Variants in SLC14A2 observed in about 807,000 individuals in gnomAD.
SLC14A2 encodes the protein solute carrier family 14 member 2.
In SLC14A2, 91 loss-of-function variants were observed where a neutral mutation model predicts 104.6. The observed-to-expected ratio is 0.87, with a 90% CI of 0.73 to 1.04. SLC14A2 has a LOEUF of 1.04. SLC14A2 is among the 50% of genes least tolerant of loss of function. The pLI is 0.00. For missense variants in SLC14A2, 1,189 were observed against 1,156.0 expected (o/e 1.03, Z -0.41); for synonymous variants, 476 against 466.4 (o/e 1.02, Z -0.27).
chr18:45,450,554 C>T (rs1201990041), intron 1 of SLC14A2, among the ~76,000 whole-genome samples: 3 of 152,148 alleles, frequency 2.0e-5, no homozygotes, highest in African/African-American at 4.8e-5. Context: ...GTGAACAGAA[C>T]CAGATGAACT....
intron 1 of SLC14A2, among the ~76,000 whole-genome samples, chr18:45,481,686 A>G (rs1355970046): frequency 6.6e-6 from 1 of 152,244 alleles, no homozygotes; most frequent in Non-Finnish European, 1.5e-5. Context: ...ACTGAAAAAA[A>G]ACAGGATTTT....
At chr18:45,526,641 G>A (rs111860697) in intron 2 of SLC14A2, among the ~76,000 whole-genome samples, 9 of 152,230 alleles carry the variant, frequency 5.9e-5, no homozygotes, top group African/African-American at 1.9e-4. Flanking sequence ...ATCATAGGGT[G>A]TATAATATTA....
At chr18:45,611,808 A>T (rs979331537), upstream of SLC14A2, among the ~76,000 whole-genome samples, 3 of 152,234 alleles carry the variant, frequency 2.0e-5, no homozygotes, top group East Asian at 5.8e-4. Flanking sequence ...CTGCAAAACA[A>T]GAAGAAGAGC....
the SLC14A2 span, among the ~76,000 whole-genome samples, chr18:45,203,548 A>G: frequency 6.6e-6 from 1 of 152,212 alleles, no homozygotes; most frequent in Non-Finnish European, 1.5e-5. Context: ...GTGTGTATGT[A>G]CATCATCATT....
chr18:45,261,186 C>G (rs1217428041), intron 1 of SLC14A2, among the ~76,000 whole-genome samples: 1 of 151,484 alleles, frequency 6.6e-6, no homozygotes, highest in Non-Finnish European at 1.5e-5. Context: ...ACAACAGGCC[C>G]CGGTGTGTGA....
At chr18:45,341,254 A>C (rs2085390628) in intron 1 of SLC14A2, among the ~76,000 whole-genome samples, 2 of 152,020 alleles carry the variant, frequency 1.3e-5, no homozygotes, top group South Asian at 4.1e-4. Context: ...AAATTAACAA[A>C]CAACCCTCAA....
At chr18:45,476,389 C>T (rs960715373) in intron 1 of SLC14A2, among the ~76,000 whole-genome samples, 1 of 152,190 alleles carries the variant, frequency 6.6e-6, no homozygotes, top group African/African-American at 2.4e-5. Context: ...GTAACCCGAC[C>T]TTTCTCTCTG....
chr18:45,220,931 A>G (rs1157165588), intron 1 of SLC14A2, among the ~76,000 whole-genome samples: 1 of 152,190 alleles, frequency 6.6e-6, no homozygotes, highest in Admixed American at 6.5e-5. Flanking sequence ...TTCTCTGTGT[A>G]TGTACATTCC....
intron 1 of SLC14A2, among the ~76,000 whole-genome samples, chr18:45,432,355 T>C (rs1350069886): frequency 6.6e-6 from 1 of 152,180 alleles, no homozygotes; most frequent in African/African-American, 2.4e-5. Flanking sequence ...AATTCGCCAT[T>C]ATGAAACCAT....
intron 1 of SLC14A2, among the ~76,000 whole-genome samples, chr18:45,374,786 TG>T (rs1455515969): frequency 6.6e-6 from 1 of 152,222 alleles, no homozygotes; most frequent in African/African-American, 2.4e-5. Flanking sequence ...TTTGCTCATC[TG>T]GACTTCTAAC....
chr18:45,662,598 T>C (rs1489378103), intron 10 of SLC14A2, among the ~76,000 whole-genome samples: 2 of 152,184 alleles, frequency 1.3e-5, no homozygotes, highest in Admixed American at 1.3e-4. Context: ...GATTGGGAGC[T>C]GAGTCATGTG....
At chr18:45,222,405 T>C (rs1195227780) in intron 1 of SLC14A2, among the ~76,000 whole-genome samples, 2 of 152,198 alleles carry the variant, frequency 1.3e-5, no homozygotes, top group African/African-American at 4.8e-5. Context: ...GGCTTAAATG[T>C]GAACAATGGA....
At chr18:45,365,775 C>T (rs1243192923) in intron 1 of SLC14A2, among the ~76,000 whole-genome samples, 3 of 152,140 alleles carry the variant, frequency 2.0e-5, no homozygotes, top group East Asian at 3.9e-4. Flanking sequence ...CACAGTGCTA[C>T]CACCTGGCTT....
intron 2 of SLC14A2, among the ~76,000 whole-genome samples, chr18:45,513,642 C>T (rs2852309): frequency 0.56 from 84,373 of 151,906 alleles, 26,239 homozygotes; most frequent in Non-Finnish European, 0.69. Context: ...TCCATATATA[C>T]ATAAAGAATT....
chr18:45,354,566 T>C (rs2085533647), intron 1 of SLC14A2, among the ~76,000 whole-genome samples: 1 of 152,216 alleles, frequency 6.6e-6, no homozygotes, highest in Non-Finnish European at 1.5e-5. Context: ...CCCAGAGGGA[T>C]ACCTGGAGCC....
chr18:45,194,925 T>C, the SLC14A2 span, among the ~76,000 whole-genome samples: 2 of 152,134 alleles, frequency 1.3e-5, no homozygotes, highest in Non-Finnish European at 2.9e-5. Context: ...ATTCTTTTCT[T>C]TTAATATCAA....
chr18:45,449,370 C>T (rs2086822742), intron 1 of SLC14A2, among the ~76,000 whole-genome samples: 1 of 152,184 alleles, frequency 6.6e-6, no homozygotes, highest in Non-Finnish European at 1.5e-5. Context: ...TCTCTGAAGC[C>T]TTCTCCTGAC....
chr18:45,457,879 G>A (rs2086972136), intron 1 of SLC14A2, among the ~76,000 whole-genome samples: 1 of 152,092 alleles, frequency 6.6e-6, no homozygotes, highest in Non-Finnish European at 1.5e-5. Context: ...GGCTGGGGCG[G>A]TGGGAGGAGA....
At chr18:45,293,980 T>C (rs2084896488) in intron 1 of SLC14A2, among the ~76,000 whole-genome samples, 1 of 152,052 alleles carries the variant, frequency 6.6e-6, no homozygotes, top group African/African-American at 2.4e-5. Context: ...TTGCAGAATT[T>C]AAACAGAATT....
Sources: gnomAD v4.1 joint callset for allele counts (sites outside exome capture counted in the v4.1 genomes callset) on GRCh38, gnomAD v4.1.1 for gene constraint, MANE v1.5 for transcripts, NCBI Gene and HGNC (gene_info 2026-07-23, HGNC 2026-07-21) for gene names.